ZNF521: variants seen among roughly 807,000 people sequenced by gnomAD.
ZNF521 encodes the protein LYST-interacting protein 3.
ZNF521 carries 14 observed loss-of-function variants against 105.5 expected under a neutral mutation model. The observed-to-expected ratio is 0.13, with a 90% CI of 0.09 to 0.21. ZNF521 has a LOEUF of 0.21. Among genes scored for constraint, ZNF521 ranks in the 10% least tolerant of loss-of-function variants. ZNF521 has a pLI of 1.00. For synonymous variants in ZNF521, 635 were observed against 606.0 expected (o/e 1.05, Z -0.70); for missense variants, 1,233 against 1,629.7 (o/e 0.76, Z 4.19).
At chr18:25,145,297 C>T (rs1466930522) in intron 5 of ZNF521, among the ~76,000 whole-genome samples, 2 of 152,200 alleles carry the variant, frequency 1.3e-5, no homozygotes, top group East Asian at 3.9e-4. Context: ...CTGAATTTCC[C>T]TAAATATTTA....
chr18:25,217,474 C>G (rs987069258), intron 4 of ZNF521, among the ~76,000 whole-genome samples: 1 of 152,108 alleles, frequency 6.6e-6, no homozygotes, highest in Non-Finnish European at 1.5e-5. Flanking sequence ...GTTCCCTTTA[C>G]TAAAATGATG....
chr18:25,327,576 C>A, intron 2 of ZNF521: 2 of 607,138 alleles, frequency 3.3e-6, no homozygotes, highest in Non-Finnish European at 5.7e-6. Flanking sequence ...GAAAAAGTTA[C>A]CTTCAGGCTA....
chr18:25,313,469 C>A (rs7235504), intron 3 of ZNF521, among the ~76,000 whole-genome samples: 20,959 of 152,046 alleles, frequency 0.14, 3,091 homozygotes, highest in African/African-American at 0.35. Context: ...GGGGAGAAAC[C>A]GTTTCATCAG....
intron 5 of ZNF521, among the ~76,000 whole-genome samples, chr18:25,184,171 C>T (rs1285897466): frequency 1.3e-5 from 2 of 152,062 alleles, no homozygotes; most frequent in South Asian, 4.2e-4. Flanking sequence ...TTTGCACCTA[C>T]TCATAATTGC....
intron 3 of ZNF521, among the ~76,000 whole-genome samples, chr18:25,300,778 C>T (rs1340163028): frequency 1.3e-5 from 2 of 152,188 alleles, no homozygotes; most frequent in Non-Finnish European, 2.9e-5. Flanking sequence ...AAAAAAGTCA[C>T]ATGCTTATAT....
In ZNF521 at chr18:25,227,460, C is replaced by G; in HGVS notation, c.458G>C (p.Arg153Thr). ...KLPFKCTYCS[R>T]LFKHKRSRDR... is the part of the protein sequence containing the mutation. Reference sequence around the variant, plus strand: ...TCGGCTGCGCTTGTGTTTGAACAGCCTACTGCAGTAGGTGCATTTGAAAGG... The same window carrying G: ...TCGGCTGCGCTTGTGTTTGAACAGCGTACTGCAGTAGGTGCATTTGAAAGG... The change falls in exon 4 of 8, where the codon AGG becomes ACG. Residue 153 changes from arginine (R) to threonine (T), a missense_variant. Transcript: ENST00000361524. The surrounding 1 kb of genome is among the most constrained non-coding windows in gnomAD (Gnocchi z 5.7). 1 of 1,613,638 alleles carries G rather than the reference C, an allele frequency of 6.2e-7. No homozygotes were observed. The highest frequency in any genetic ancestry group is 8.5e-7 in the Non-Finnish European group (1 of 1,179,892).
intron 5 of ZNF521, 72 bp from the exon 6 acceptor site, chr18:25,092,153 T>C: frequency 6.4e-7 from 1 of 1,555,066 alleles, no homozygotes; most frequent in Non-Finnish European, 8.8e-7. Context: ...GAGTTATCTT[T>C]AATTGCATAT....
chr18:25,125,612 C>T (rs1395151517), intron 5 of ZNF521, among the ~76,000 whole-genome samples: 2 of 151,536 alleles, frequency 1.3e-5, no homozygotes, highest in African/African-American at 4.8e-5. Context: ...ATGTGGCATC[C>T]AATAAGTGGG....
chr18:25,282,063 G>T (rs1442080225), intron 3 of ZNF521, among the ~76,000 whole-genome samples: 1 of 152,138 alleles, frequency 6.6e-6, no homozygotes, highest in African/African-American at 2.4e-5. Context: ...TTGTTAGGAA[G>T]TTGCCACTCG....
chr18:25,193,985 C>G (rs1350173904), intron 5 of ZNF521, among the ~76,000 whole-genome samples: 1 of 151,822 alleles, frequency 6.6e-6, no homozygotes, highest in Admixed American at 6.6e-5. Flanking sequence ...AATTTTCCAA[C>G]ATGCTTTTGA....
At chr18:25,185,027 A>G (rs529113820) in intron 5 of ZNF521, among the ~76,000 whole-genome samples, 20 of 152,320 alleles carry the variant, frequency 1.3e-4, no homozygotes, top group Non-Finnish European at 2.4e-4. Context: ...AGTGTATACA[A>G]TATTCATAAT....
intron 5 of ZNF521, among the ~76,000 whole-genome samples, chr18:25,191,754 T>C (rs2035821752): frequency 6.6e-6 from 1 of 152,222 alleles, no homozygotes; most frequent in Non-Finnish European, 1.5e-5. Flanking sequence ...CTGTTGAGCC[T>C]CATAATTTTA....
At chr18:25,212,523 A>AT (rs1180707422) in intron 4 of ZNF521, among the ~76,000 whole-genome samples, 32 of 113,436 alleles carry the variant, frequency 2.8e-4, no homozygotes, top group African/African-American at 1.3e-3. Flanking sequence ...AAAAAAAAAA[A>AT]AAAAAAAAAA....
intron 7 of ZNF521, among the ~76,000 whole-genome samples, chr18:25,087,545 G>A (rs560350275): frequency 8.5e-5 from 13 of 152,290 alleles, no homozygotes; most frequent in African/African-American, 2.9e-4. Context: ...GATTTTAAAC[G>A]ATTACTTAAT....
intron 4 of ZNF521, chr18:25,201,806 T>C (rs1335493836): frequency 1.3e-5 from 2 of 152,156 alleles, no homozygotes; most frequent in Non-Finnish European, 2.9e-5. Context: ...GCTGTATAGT[T>C]AGTTGTGTGA....
chr18:25,135,318 T>C (rs1453413030), intron 5 of ZNF521, among the ~76,000 whole-genome samples: 5 of 144,240 alleles, frequency 3.5e-5, no homozygotes, highest in Admixed American at 3.4e-4. Flanking sequence ...GTGTATGTCT[T>C]TGTTTTGTTT....
At chr18:25,179,561 T>G (rs1476580952) in intron 5 of ZNF521, among the ~76,000 whole-genome samples, 1 of 152,176 alleles carries the variant, frequency 6.6e-6, no homozygotes, top group African/African-American at 2.4e-5. Flanking sequence ...ATTTTGAGTG[T>G]ACAAGTTTGT....
At chr18:25,288,572 TAAAA>T (rs151130883) in intron 3 of ZNF521, among the ~76,000 whole-genome samples, 1 of 106,904 alleles carries the variant, frequency 9.4e-6, no homozygotes, top group East Asian at 2.6e-4. Context: ...TTATAACACT[TAAAA>T]AAAAAAAAAC....
intron 3 of ZNF521, among the ~76,000 whole-genome samples, chr18:25,272,376 T>C (rs1909720467): frequency 6.6e-6 from 1 of 152,110 alleles, no homozygotes; most frequent in South Asian, 2.1e-4. Flanking sequence ...GATCTAGAAC[T>C]AGAAATACCG....
Sources: gnomAD v4.1 joint callset for allele counts (sites outside exome capture counted in the v4.1 genomes callset) on GRCh38, gnomAD v4.1.1 for gene constraint, Gnocchi (gnomAD v3.1) non-coding constraint, MANE v1.5 for transcripts, NCBI Gene and HGNC (gene_info 2026-07-23, HGNC 2026-07-21) for gene names.